KATNAL2: variants seen among roughly 807,000 people sequenced by gnomAD.
KATNAL2 encodes katanin p60 ATPase-containing subunit A-like 2.
In KATNAL2, 52 loss-of-function variants were observed where a neutral mutation model predicts 76.3. The ratio of observed to expected loss-of-function variants is 0.68; its 90% CI spans 0.55 to 0.86. The LOEUF (loss-of-function observed/expected upper bound fraction) is 0.86, where lower values mean the gene tolerates loss of function less well. Among genes scored for constraint, KATNAL2 ranks in the 40% least tolerant of loss-of-function variants. The pLI, the probability that KATNAL2 is intolerant of heterozygous loss-of-function variation, is 0.00. For synonymous variants in KATNAL2, 243 were observed against 244.2 expected (o/e 1.00, Z 0.05); for missense variants, 660 against 668.9 (o/e 0.99, Z 0.15).
At chr18:47,036,667 A>T (rs1326146692) in intron 3 of KATNAL2, among the ~76,000 whole-genome samples, 1 of 152,250 alleles carries the variant, frequency 6.6e-6, no homozygotes, top group African/African-American at 2.4e-5. Flanking sequence ...TCTGGATCGG[A>T]CTTTAATTTT....
Position 47,101,031 on chromosome 18 carries a change from C to T in KATNAL2, c.*26C>T. On this transcript the variant is annotated 3_prime_UTR_variant, in exon 18 of 18. Coordinates refer to ENST00000683218, the MANE Select transcript of KATNAL2 (RefSeq NM_001387690.1). ...AACCACATTTACCCTGACCTGGCCA[C>T]AAAGGCAACCACAAAGACCTCCTAG... 6.2e-7 allele frequency: 1 copy of T among 1,612,472 alleles called. No homozygotes were observed. Among genetic ancestry groups the T allele is most frequent in the Non-Finnish European group, 8.5e-7 (1 of 1,178,968 alleles).
At chr18:47,037,344 A>G (rs2060814655) in intron 3 of KATNAL2, among the ~76,000 whole-genome samples, 1 of 152,208 alleles carries the variant, frequency 6.6e-6, no homozygotes, top group Non-Finnish European at 1.5e-5. Flanking sequence ...ATAGCCCACA[A>G]AGGAAATGAA....
At chr18:47,054,645 T>G (rs2061422655) in intron 6 of KATNAL2, 1 of 621,098 alleles carries the variant, frequency 1.6e-6, no homozygotes, top group Non-Finnish European at 2.9e-6. Context: ...TTACTGTAAA[T>G]AAGTATATCC....
At chr18:46,926,101 C>T (rs376016125) in intron 1 of KATNAL2, among the ~76,000 whole-genome samples, 1 of 152,070 alleles carries the variant, frequency 6.6e-6, no homozygotes, top group African/African-American at 2.4e-5. Flanking sequence ...CTGCTCTGAT[C>T]TTAGTTATTT....
rs146428909 is a variant in KATNAL2, at chr18:46,948,549, C to T, written c.51+1626C>T. Among the ~76,000 whole-genome samples, 55 of 151,838 alleles carry T rather than the reference C, an allele frequency of 3.6e-4. 1 individual carries two copies. The highest frequency in any genetic ancestry group is 3.4e-3 in the Middle Eastern group (1 of 294). ...AAGTGATTCTCCTGCCTCAGCCTCC[C>T]GAGTACCTGGGATTACAGGCATGTG... is the stretch of plus-strand genomic sequence containing the variant. On this transcript the variant is annotated intron_variant, in intron 3 of 17. Coordinates refer to ENST00000683218, the MANE Select transcript of KATNAL2 (RefSeq NM_001387690.1).
intron 15 of KATNAL2, among the ~76,000 whole-genome samples, chr18:47,089,063 C>T (rs780092076): frequency 2.0e-4 from 31 of 152,154 alleles, no homozygotes; most frequent in Non-Finnish European, 3.4e-4. Context: ...TGGGCCTTGA[C>T]GCCACCTCCC....
intron 6 of KATNAL2, chr18:47,054,662 G>C (rs2061423038): frequency 5.7e-6 from 3 of 527,878 alleles, no homozygotes; most frequent in Non-Finnish European, 1.0e-5. Flanking sequence ...ATCCTGTGAT[G>C]CTCTGTCTTT....
At chr18:47,069,155 T>G (rs375809681) in intron 11 of KATNAL2, 65 bp from the exon 12 acceptor site, 1 of 1,133,806 alleles carries the variant, frequency 8.8e-7, no homozygotes, top group Non-Finnish European at 1.3e-6. Flanking sequence ...CCAGCTTGTC[T>G]GTGCTGAGAG....
intron 1 of KATNAL2, among the ~76,000 whole-genome samples, chr18:46,921,286 C>T (rs779545485): frequency 1.5e-4 from 23 of 152,158 alleles, no homozygotes; most frequent in Admixed American, 1.5e-3. Flanking sequence ...CGCCACCATG[C>T]CCAGCTAATT....
intron 11 of KATNAL2, 48 bp from the exon 12 acceptor site, chr18:47,069,172 G>A: frequency 7.6e-7 from 1 of 1,323,064 alleles, no homozygotes; most frequent in Non-Finnish European, 1.1e-6. Flanking sequence ...AGAGTATGCA[G>A]GCTGATGTGT....
chr18:47,101,145 G>C lies in KATNAL2; in HGVS notation c.*140G>C, dbSNP rs1475112191. 4 of 905,186 alleles carry C rather than the reference G, an allele frequency of 4.4e-6. No individual in the cohort carries two copies. The highest frequency in any genetic ancestry group is 6.6e-6 in the Non-Finnish European group (4 of 608,052). The allele number at this position is 905,186 out of a possible 1,614,324, so 56.1% of individuals were successfully genotyped here. On this transcript the variant is annotated 3_prime_UTR_variant, in exon 18 of 18. Coordinates refer to ENST00000683218, the MANE Select transcript of KATNAL2 (RefSeq NM_001387690.1). ...CTGGATTAACTTGAGCCACTGTATT[G>C]TTTTGGATAGCTGAGATATATTTAT... is the stretch of plus-strand genomic sequence containing the variant.
chr18:47,053,323 G>A (rs934579149), intron 5 of KATNAL2, among the ~76,000 whole-genome samples: 5 of 152,214 alleles, frequency 3.3e-5, no homozygotes, highest in African/African-American at 1.2e-4. Context: ...CAGATGATTA[G>A]CATTACTTTA....
chr18:46,920,452 C>A (rs184922962), intron 1 of KATNAL2, among the ~76,000 whole-genome samples: 1 of 152,296 alleles, frequency 6.6e-6, no homozygotes, highest in East Asian at 1.9e-4. Context: ...ATCACACACA[C>A]ACAAAATCTC....
chr18:46,968,088 G>A (rs1599517999), intron 3 of KATNAL2, among the ~76,000 whole-genome samples: 1 of 117,588 alleles, frequency 8.5e-6, no homozygotes, highest in Non-Finnish European at 1.9e-5. Context: ...CCACCACGCC[G>A]GGCTCATTTT....
chr18:47,045,069 A>G (rs2061109770), intron 3 of KATNAL2, among the ~76,000 whole-genome samples: 1 of 152,002 alleles, frequency 6.6e-6, no homozygotes, highest in Non-Finnish European at 1.5e-5. Context: ...ACTGTACTCC[A>G]GCCTGGGCCA....
chr18:47,053,019 A>G lies in KATNAL2; in HGVS notation c.262A>G (p.Lys88Glu). The change falls in exon 5 of 18, where the codon AAA becomes GAA. Residue 88 changes from lysine to glutamate, a missense_variant. Lys to Glu is a moderately conservative substitution (Grantham distance 56). Coordinates refer to ENST00000683218, the MANE Select transcript of KATNAL2 (RefSeq NM_001387690.1). ...TTTTGTAAAATTTCAGAAATACCCC[A>G]AAATTGTCAAAAAGTCATCAGACAC... ...YYFVKFQKYPKIVKKSSDTAE... is the reference protein window; with the variant it reads ...YYFVKFQKYPEIVKKSSDTAE... The G allele has an allele frequency of 1.2e-6, 2 of 1,606,012 alleles. No individual in the cohort carries two copies. Among genetic ancestry groups the G allele is most frequent in the South Asian group, 2.2e-5 (2 of 88,984 alleles).
chr18:46,932,094 G>C (rs971287741), intron 1 of KATNAL2, among the ~76,000 whole-genome samples: 26 of 151,746 alleles, frequency 1.7e-4, no homozygotes, highest in Non-Finnish European at 3.5e-4. Context: ...TGTATTTTTA[G>C]TAGAGACAGG....
intron 15 of KATNAL2, chr18:47,098,900 AGTTG>A (rs946217708): frequency 5.0e-6 from 1 of 198,754 alleles, no homozygotes; most frequent in Non-Finnish European, 1.0e-5. Context: ...GCTGGTTGTT[AGTTG>A]GTTTTTGTAC....
intron 3 of KATNAL2, among the ~76,000 whole-genome samples, chr18:46,957,822 A>G (rs945019477): frequency 6.6e-6 from 1 of 151,988 alleles, no homozygotes; most frequent in Non-Finnish European, 1.5e-5. Flanking sequence ...TCGGCCTCCC[A>G]AAGTGCTGAG....
Sources: allele counts gnomAD v4.1 joint callset (sites outside exome capture counted in the v4.1 genomes callset), GRCh38; gene constraint gnomAD v4.1.1; transcripts MANE v1.5; gene names NCBI Gene and HGNC (gene_info 2026-07-23, HGNC 2026-07-21).